The following ABLIM1 variants were observed in gnomAD, a reference collection of about 807,000 sequenced individuals.
The protein encoded by ABLIM1 is actin-binding LIM protein 1.
In ABLIM1, 40 loss-of-function variants were observed where a neutral mutation model predicts 107.0. The observed-to-expected ratio is 0.37, with a 90% CI of 0.29 to 0.49. ABLIM1 has a LOEUF of 0.49. Ranked by LOEUF, ABLIM1 falls within the 20% of genes least tolerant of loss-of-function variation. The probability of loss-of-function intolerance (pLI) is 0.97; values close to 1 mark genes in which losing one functional copy is unlikely to be tolerated. For synonymous variants in ABLIM1, 357 were observed against 357.3 expected, an observed-to-expected ratio of 1.00 and a Z score of 0.01; for missense variants, 857 against 1,008.5, an observed-to-expected ratio of 0.85 and a Z score of 2.04.
At chr10:114,679,963 T>C (rs944701885) in intron 1 of ABLIM1, among the ~76,000 whole-genome samples, 2 of 152,236 alleles carry the variant, frequency 1.3e-5, no homozygotes, top group Non-Finnish European at 2.9e-5. Context: ...AGGGAGCTTT[T>C]GCCTCTCATG....
At chr10:114,704,223 T>A (rs1968122) in intron 1 of ABLIM1, among the ~76,000 whole-genome samples, 1 of 143,808 alleles carries the variant, frequency 7.0e-6, no homozygotes, top group African/African-American at 2.5e-5. Flanking sequence ...TTCTAGTTAG[T>A]GACTCGAACA....
In ABLIM1 at chr10:114,585,133, C is replaced by T. The variant is rs186280605; in HGVS notation, c.380-9534G>A. ...ATATGCACAAGAAAGAAATGAATGG[C>T]TGGCTATTCTTAATAGGAACGACCT... On this transcript the variant is annotated intron_variant, in intron 2 of 22. Coordinates refer to ENST00000533213, the MANE Select transcript of ABLIM1 (RefSeq NM_002313.7). Among the ~76,000 whole-genome samples the T allele has an allele frequency of 5.9e-5, 9 of 152,194 alleles. No individual in the cohort carries two copies. In the East Asian group the frequency reaches 1.2e-3, roughly 20 times the overall value.
intron 6 of ABLIM1, among the ~76,000 whole-genome samples, chr10:114,509,896 A>G (rs1292734155): frequency 6.6e-6 from 1 of 152,248 alleles, no homozygotes; most frequent in Non-Finnish European, 1.5e-5. Flanking sequence ...AGGCCTCACA[A>G]TCATGGCGGA....
At chr10:114,679,399 C>T (rs972870327) in intron 1 of ABLIM1, among the ~76,000 whole-genome samples, 2 of 152,024 alleles carry the variant, frequency 1.3e-5, no homozygotes, top group African/African-American at 4.8e-5. Flanking sequence ...CTCTGGGAGG[C>T]CTAGGCGGGT....
chr10:114,519,571 A>G lies in ABLIM1; in HGVS notation c.894+25434T>C, dbSNP rs143995732. Among the ~76,000 whole-genome samples, 443 of 152,320 alleles carry G rather than the reference A, an allele frequency of 2.9e-3. 1 individual carries two copies. The highest frequency in any genetic ancestry group is 0.01 in the African/African-American group (421 of 41,568). The stretch of plus-strand genomic sequence containing the variant: ...CACACAGACAGTTAAATTGCAAACC[A>G]CAAGACATATTTATTAATGAGTACA... On this transcript the variant is annotated intron_variant, in intron 6 of 22. Transcript: ENST00000533213.
At chr10:114,671,619 C>T (rs536317487) in intron 1 of ABLIM1, among the ~76,000 whole-genome samples, 6 of 152,166 alleles carry the variant, frequency 3.9e-5, no homozygotes, top group African/African-American at 4.8e-5. Flanking sequence ...ACATCCTTGA[C>T]GATACTTAGT....
At chr10:114,756,061 A>T (rs935254288) in intron 1 of ABLIM1, among the ~76,000 whole-genome samples, 2 of 139,180 alleles carry the variant, frequency 1.4e-5, no homozygotes, top group Non-Finnish European at 3.1e-5. Flanking sequence ...TTTAATCCAT[A>T]GGAATTGTGA....
chr10:114,611,451 A>T, intron 1 of ABLIM1, among the ~76,000 whole-genome samples: 1 of 148,338 alleles, frequency 6.7e-6, no homozygotes, highest in South Asian at 2.3e-4. Context: ...AGCCTGGGTG[A>T]CAGGTGAGAC....
At position 114,440,110 on chromosome 10, in the gene ABLIM1, A is replaced by G; in HGVS notation, c.2060-21T>C. 1.9e-6 allele frequency: 3 copies of G among 1,604,660 alleles called. No individual in the cohort carries two copies. In the African/African-American group the frequency reaches 4.0e-5, roughly 21 times the overall value. ...GTAATCTGAAAAGGAAAGGAAAAGA[A>G]AATATCATAAGGGAAAGACCATGGA... is the stretch of plus-strand genomic sequence containing the variant. On this transcript the variant is annotated intron_variant, in intron 19 of 22. Transcript: ENST00000533213.
the ABLIM1 span, among the ~76,000 whole-genome samples, chr10:114,773,906 A>C: frequency 6.6e-6 from 1 of 150,898 alleles, no homozygotes; most frequent in Non-Finnish European, 1.5e-5. Flanking sequence ...ACCACCATTA[A>C]AAAGTATGAG....
chr10:114,657,270 AG>A (rs769607107), intron 1 of ABLIM1, among the ~76,000 whole-genome samples: 3 of 152,170 alleles, frequency 2.0e-5, no homozygotes, highest in Non-Finnish European at 4.4e-5. Context: ...TACCAATTCT[AG>A]GTCTGACTTT....
intron 4 of ABLIM1, among the ~76,000 whole-genome samples, chr10:114,551,106 C>G (rs2068005908): frequency 1.3e-5 from 2 of 152,180 alleles, no homozygotes; most frequent in Non-Finnish European, 2.9e-5. Flanking sequence ...CTCTCCGAAC[C>G]CTCATTTCTT....
the ABLIM1 span, among the ~76,000 whole-genome samples, chr10:114,782,209 A>G: frequency 6.6e-6 from 1 of 152,032 alleles, no homozygotes; most frequent in Non-Finnish European, 1.5e-5. Context: ...TTTAACATAT[A>G]CCCTGCACCA....
intron 6 of ABLIM1, among the ~76,000 whole-genome samples, chr10:114,530,664 G>A (rs2065352459): frequency 6.6e-6 from 1 of 152,268 alleles, no homozygotes; most frequent in African/African-American, 2.4e-5. Context: ...CTCCCAAGTA[G>A]CTGGGATTAC....
chr10:114,514,093 A>C (rs928871531), intron 6 of ABLIM1, among the ~76,000 whole-genome samples: 1 of 152,310 alleles, frequency 6.6e-6, no homozygotes, highest in East Asian at 1.9e-4. Flanking sequence ...CAGAATAAAA[A>C]AGTTGCTTTC....
intron 1 of ABLIM1, among the ~76,000 whole-genome samples, chr10:114,602,353 T>C (rs1272235941): frequency 1.3e-5 from 2 of 152,258 alleles, no homozygotes; most frequent in Non-Finnish European, 2.9e-5. Context: ...CTGTAGGTCC[T>C]TGAAGATGGG....
chr10:114,774,976 C>T, the ABLIM1 span, among the ~76,000 whole-genome samples: 54 of 152,252 alleles, frequency 3.5e-4, 2 homozygotes, highest in South Asian at 0.011. Flanking sequence ...TATAACGATA[C>T]TACCTGAGTC....
At chr10:114,576,531 C>A (rs2072580840) in intron 2 of ABLIM1, among the ~76,000 whole-genome samples, 1 of 152,132 alleles carries the variant, frequency 6.6e-6, no homozygotes. Flanking sequence ...GGGGTGGGGA[C>A]AAGGTGAGTT....
chr10:114,688,294 A>G (rs1394641670), upstream of ABLIM1, among the ~76,000 whole-genome samples: 3 of 152,138 alleles, frequency 2.0e-5, no homozygotes, highest in East Asian at 5.8e-4. Flanking sequence ...CCTATTACAT[A>G]CGGTCCCTAA....
Sources: allele counts gnomAD v4.1 joint callset (sites outside exome capture counted in the v4.1 genomes callset), GRCh38; gene constraint gnomAD v4.1.1; transcripts MANE v1.5; gene names NCBI Gene and HGNC (gene_info 2026-07-23, HGNC 2026-07-21).